RPS8: variants seen among roughly 807,000 people sequenced by gnomAD.
RPS8 encodes small ribosomal subunit protein eS8.
For synonymous variants in RPS8, 100 were observed against 100.7 expected, an observed-to-expected ratio of 0.99 and a Z score of 0.04; for missense variants, 141 against 269.7, an observed-to-expected ratio of 0.52 and a Z score of 3.34.
chr1:44,776,819 G>T (rs200859421), intron 3 of RPS8, 45 bp downstream of exon 3: 6 of 1,452,702 alleles, frequency 4.1e-6, no homozygotes, highest in South Asian at 1.2e-5. Flanking sequence ...GCACCTAAAC[G>T]GTCTTAAGAT....
Position 44,778,735 on chromosome 1 carries a change from CCCA to C in RPS8, c.*52_*54del. The C allele has an allele frequency of 7.8e-7, 1 of 1,277,790 alleles. No individual in the cohort carries two copies. The highest frequency in any genetic ancestry group is 1.1e-6 in the Non-Finnish European group (1 of 903,694). 79.2% of individuals were successfully genotyped at this position (1,277,790 alleles called of 1,614,324 possible). On this transcript the variant is annotated 3_prime_UTR_variant, in exon 6 of 6. Coordinates refer to ENST00000396651, the MANE Select transcript of RPS8 (RefSeq NM_001012.2). ...TAATAAAGGTGTTTATTGTTTTGTT[CCCA>C]CATTTATGTTGCCTGAATATATGAC...
chr1:44,776,719 C>G lies in RPS8; in HGVS notation c.156C>G (p.Asn52Lys). The change falls in exon 3 of 6, where the codon AAC becomes AAG. Residue 52 changes from asparagine to lysine, a missense_variant. By Grantham distance (94) the Asn-to-Lys change is moderately conservative (BLOSUM62 0). Transcript: ENST00000396651. ...RIHTVRVRGGNKKYRALRLDV... is the reference protein window; with the variant it reads ...RIHTVRVRGGKKKYRALRLDV... ...ACACAGTCCGTGTGCGGGGAGGTAACAAGAAATACCGTGCCCTGAGGTTGG... is the reference window on the plus strand; with the variant it reads ...ACACAGTCCGTGTGCGGGGAGGTAAGAAGAAATACCGTGCCCTGAGGTTGG... 6.2e-7 allele frequency: 1 copy of G among 1,613,756 alleles called. No individual in the cohort carries two copies. Among genetic ancestry groups the G allele is most frequent in the Non-Finnish European group, 8.5e-7 (1 of 1,179,900 alleles).
chr1:44,775,914 G>A, intron 1 of RPS8, 120 bp from the exon 2 acceptor site: 1 of 977,530 alleles, frequency 1.0e-6, no homozygotes, highest in South Asian at 1.3e-5. Flanking sequence ...TGCGCGGTGG[G>A]GAAGCCAACC....
intron 2 of RPS8, 25 bp downstream of exon 2, chr1:44,776,165 G>A: frequency 1.3e-6 from 2 of 1,526,818 alleles, no homozygotes; most frequent in Non-Finnish European, 1.8e-6. Context: ...GGGCCTGTCC[G>A]CCTGGGAGGT....
rs376204742 is a variant in RPS8, at chr1:44,778,140, T to C, written c.517+11T>C. 6.3e-7 allele frequency: 1 copy of C among 1,590,974 alleles called. No homozygotes were observed. The highest frequency in any genetic ancestry group is 1.3e-5 in the African/African-American group (1 of 74,326). ...AGGGCAAGCTTCTTGGTGAGAAGGCTGTTGTGTTGGAGGTGGGGAGTCGCA... is the reference window on the plus strand; with the variant it reads ...AGGGCAAGCTTCTTGGTGAGAAGGCCGTTGTGTTGGAGGTGGGGAGTCGCA... On this transcript the variant is annotated intron_variant, in intron 5 of 5. Coordinates refer to ENST00000396651, the MANE Select transcript of RPS8 (RefSeq NM_001012.2).
intron 2 of RPS8, chr1:44,776,375 G>T (rs1197806538): frequency 2.9e-6 from 2 of 699,952 alleles, no homozygotes; most frequent in African/African-American, 3.5e-5. Context: ...ATACTGTGTG[G>T]GGACTTGAGC....
chr1:44,777,726 G>T lies in RPS8; in HGVS notation c.324G>T (p.Pro108=). The part of the protein sequence containing the change: ...KNCIVLIDST[P]YRQWYESHYA... ...GCATCGTGCTCATCGACAGCACACC[G>T]TACCGACAGTGGTACGAGTCCCACT... The change falls in exon 4 of 6, where the codon CCG becomes CCT. Residue 108 remains proline (P), a synonymous_variant. Transcript: ENST00000396651. 1.2e-6 allele frequency: 2 copies of T among 1,614,074 alleles called. No homozygotes were observed. The highest frequency in any genetic ancestry group is 1.1e-5 in the South Asian group (1 of 91,078).
chr1:44,778,721 T>C lies in RPS8; in HGVS notation c.*36T>C. Reference sequence around the variant, plus strand: ...TGTCTTCACCCATGTAATAAAGGTGTTTATTGTTTTGTTCCCACATTTATG... The same window carrying C: ...TGTCTTCACCCATGTAATAAAGGTGCTTATTGTTTTGTTCCCACATTTATG... On this transcript the variant is annotated 3_prime_UTR_variant, in exon 6 of 6. Coordinates refer to ENST00000396651, the MANE Select transcript of RPS8 (RefSeq NM_001012.2). 2 of 1,389,026 alleles carry C rather than the reference T, an allele frequency of 1.4e-6. No homozygotes were observed. The highest frequency in any genetic ancestry group is 2.0e-6 in the Non-Finnish European group (2 of 997,280). 86.0% of individuals were successfully genotyped at this position (1,389,026 alleles called of 1,614,324 possible).
intron 2 of RPS8, 69 bp from the exon 3 acceptor site, chr1:44,776,606 C>T (rs1284750303): frequency 4.5e-6 from 6 of 1,328,060 alleles, no homozygotes; most frequent in Non-Finnish European, 5.4e-6. Flanking sequence ...TCCTCCCGGC[C>T]CAGGTTCCTC....
At chr1:44,775,892 C>G (rs1650830665) in intron 1 of RPS8, 142 bp from the exon 2 acceptor site, 2 of 859,178 alleles carry the variant, frequency 2.3e-6, no homozygotes, top group South Asian at 2.7e-5. Context: ...GGTAATGCTG[C>G]ATACTCCCGA....
In RPS8 at chr1:44,777,939, G is replaced by A. The variant is rs561745554; in HGVS notation, c.388-61G>A. On this transcript the variant is annotated intron_variant, in intron 4 of 5. Coordinates refer to ENST00000396651, the MANE Select transcript of RPS8 (RefSeq NM_001012.2). ...GCCAGCACTGGGGTGTGCAGGGTTC[G>A]AGAAAGCTCCCAGGGCCTGCCTTCC... 1,080 of 1,609,844 alleles carry A rather than the reference G, an allele frequency of 6.7e-4. 22 individuals are homozygous for A. In the South Asian group the frequency reaches 0.011, roughly 17 times the overall value.
chr1:44,776,382 G>C (rs991196361), intron 2 of RPS8: 4 of 705,876 alleles, frequency 5.7e-6, no homozygotes, highest in African/African-American at 1.8e-5. Flanking sequence ...GTGGGGACTT[G>C]AGCTTCTGGA....
intron 5 of RPS8, 126 bp downstream of exon 5, chr1:44,778,255 C>G: frequency 8.1e-7 from 1 of 1,230,478 alleles, no homozygotes; most frequent in Non-Finnish European, 1.2e-6. Context: ...TAACAGGCTG[C>G]GAGCACAAAG....
chr1:44,778,285 A>G (rs74073404), intron 5 of RPS8, 156 bp downstream of exon 5: 13,573 of 964,466 alleles, frequency 0.014, 181 homozygotes, highest in East Asian at 0.047. Flanking sequence ...TGGTCACCCT[A>G]TTCGTATGAA....
intron 5 of RPS8, 122 bp downstream of exon 5, chr1:44,778,251 G>A: frequency 8.0e-6 from 10 of 1,254,734 alleles, no homozygotes; most frequent in Non-Finnish European, 1.2e-5. Flanking sequence ...CTGATAACAG[G>A]CTGCGAGCAC....
In RPS8 at chr1:44,777,879, A is replaced by G. The variant is rs755136583; in HGVS notation, c.387+90A>G. On this transcript the variant is annotated intron_variant, in intron 4 of 5. Transcript: ENST00000396651. ...AAACTCTGTCCAGTTCTGCTACTGAAGGGAGAGAGATGAGAGCCTTTTAGG... is the reference window on the plus strand; with the variant it reads ...AAACTCTGTCCAGTTCTGCTACTGAGGGGAGAGAGATGAGAGCCTTTTAGG... 1.7e-5 allele frequency: 27 copies of G among 1,576,962 alleles called. No homozygotes were observed. In the East Asian group the frequency reaches 5.2e-4, roughly 30 times the overall value.
rs1650868560 is a variant in RPS8, at chr1:44,776,735, C to G, written c.172C>G (p.Leu58Val). 6.2e-7 allele frequency: 1 copy of G among 1,612,766 alleles called. No homozygotes were observed. Among genetic ancestry groups the G allele is most frequent in the Non-Finnish European group, 8.5e-7 (1 of 1,179,646 alleles). The change falls in exon 3 of 6, where the codon CTG becomes GTG. Residue 58 changes from leucine (L) to valine (V), a missense_variant. Transcript: ENST00000396651. ...GGGAGGTAACAAGAAATACCGTGCC[C>G]TGAGGTTGGACGTGGGGAATTTCTC... is the stretch of plus-strand genomic sequence containing the variant. Reference protein sequence around the residue: ...VRGGNKKYRALRLDVGNFSWG... With the variant: ...VRGGNKKYRAVRLDVGNFSWG...
chr1:44,776,355 A>T, intron 2 of RPS8: 1 of 678,578 alleles, frequency 1.5e-6, no homozygotes, highest in Non-Finnish European at 2.6e-6. Context: ...TTAGGATTTC[A>T]GAGAGAAGGA....
At chr1:44,778,245 T>C (rs535541551) in intron 5 of RPS8, 116 bp downstream of exon 5, 12 of 1,313,682 alleles carry the variant, frequency 9.1e-6, no homozygotes, top group Non-Finnish European at 1.3e-5. Flanking sequence ...GGTTCACTGA[T>C]AACAGGCTGC....
Sources: allele counts gnomAD v4.1 joint callset, GRCh38; gene constraint gnomAD v4.1.1; transcripts MANE v1.5; gene names NCBI Gene and HGNC (gene_info 2026-07-23, HGNC 2026-07-21).